Variants in LMBR1 observed in about 807,000 individuals in gnomAD.
LMBR1 encodes limb development membrane protein 1.
LMBR1 carries 52 observed loss-of-function variants against 73.9 expected under a neutral mutation model. The observed-to-expected ratio is 0.70, with a 90% confidence interval of 0.56 to 0.89. The LOEUF (loss-of-function observed/expected upper bound fraction) is 0.89, where lower values mean the gene tolerates loss of function less well. LMBR1 is among the 40% of genes least tolerant of loss of function. The pLI is 0.00. For missense variants in LMBR1, 539 were observed against 579.8 expected (o/e 0.93, Z 0.72); for synonymous variants, 215 against 209.4 (o/e 1.03, Z -0.23).
chr7:156,837,976 T>C (rs1333154587), intron 1 of LMBR1, among the ~76,000 whole-genome samples: 2 of 152,040 alleles, frequency 1.3e-5, no homozygotes, highest in Non-Finnish European at 2.9e-5. Context: ...TTGGCAAAGA[T>C]GGGGTTTTAC....
At position 156,853,565 on chromosome 7, in the gene LMBR1, A is replaced by T. The variant is rs555388459; in HGVS notation, c.67-16680T>A. ...GTCCTAGAATAACTTCTCTGGATTA[A>T]ATCTATGCAGAAACTGGGTATCAAA... On this transcript the variant is annotated intron_variant, in intron 1 of 16. Coordinates refer to ENST00000353442, the MANE Select transcript of LMBR1 (RefSeq NM_022458.4). Among the ~76,000 whole-genome samples, 3 of 152,352 alleles carry T rather than the reference A, an allele frequency of 2.0e-5. No individual in the cohort carries two copies. In the South Asian group the frequency reaches 6.2e-4, roughly 32 times the overall value.
In LMBR1 at chr7:156,725,784, C is replaced by A; in HGVS notation, c.1047G>T (p.Ala349=). Residue 349 remains alanine (A), a synonymous_variant, in exon 13 of 17, where the codon GCG becomes GCT. Transcript: ENST00000353442. ...SLSTFGFVGA[A]LEIILIFYLM... ...GATACAAAATCAAAATGATTTCAAG[C>A]GCAGCTCCCACAAAACCAAACGTAG... The A allele has an allele frequency of 6.2e-7, 1 of 1,613,612 alleles. No homozygotes were observed. The highest frequency in any genetic ancestry group is 8.5e-7 in the Non-Finnish European group (1 of 1,179,752).
intron 5 of LMBR1, chr7:156,779,693 T>C (rs1479108480): frequency 1.6e-6 from 2 of 1,286,544 alleles, no homozygotes; most frequent in Admixed American, 2.3e-5. Context: ...TCTATGGTGA[T>C]GAACATTTAA....
intron 16 of LMBR1, among the ~76,000 whole-genome samples, chr7:156,684,565 G>A (rs150584924): frequency 7.2e-5 from 11 of 152,264 alleles, no homozygotes; most frequent in African/African-American, 2.2e-4. Context: ...GTCCCAACCC[G>A]GCTAATAAAC....
In LMBR1 at chr7:156,872,608, T is replaced by A. The variant is rs752915021; in HGVS notation, c.66+20320A>T. Among the ~76,000 whole-genome samples, 5 of 151,730 alleles carry A rather than the reference T, an allele frequency of 3.3e-5. No homozygotes were observed. The South Asian group carries it at 1.0e-3, about 32-fold the overall frequency. On this transcript the variant is annotated intron_variant, in intron 1 of 16. Coordinates refer to ENST00000353442, the MANE Select transcript of LMBR1 (RefSeq NM_022458.4). ...GCTGCAGTGAGCCGAGATCGCATCA[T>A]TGGACTCCAGCCTGGGTAACAAGAG...
chr7:156,794,356 T>G (rs895392361), intron 5 of LMBR1, among the ~76,000 whole-genome samples: 5 of 152,242 alleles, frequency 3.3e-5, no homozygotes, highest in Admixed American at 2.6e-4. Flanking sequence ...TCTAATTAAC[T>G]TCTATGATCC....
intron 1 of LMBR1, among the ~76,000 whole-genome samples, chr7:156,855,623 T>C (rs1586254644): frequency 9.3e-6 from 1 of 107,896 alleles, no homozygotes; most frequent in African/African-American, 3.7e-5. Flanking sequence ...TACAAACACC[T>C]AACAGATCCA....
chr7:156,728,074 G>T, intron 11 of LMBR1, 67 bp from the exon 12 acceptor site: 1 of 1,247,756 alleles, frequency 8.0e-7, no homozygotes. Context: ...TAAAATCTAG[G>T]TAACCAAATA....
intron 4 of LMBR1, among the ~76,000 whole-genome samples, chr7:156,802,790 T>C (rs1453826577): frequency 7.6e-6 from 1 of 131,410 alleles, no homozygotes; most frequent in Non-Finnish European, 1.8e-5. Context: ...CACCTCCCCC[T>C]GATTCCCAGT....
chr7:156,820,449 G>A (rs761112228), intron 4 of LMBR1, among the ~76,000 whole-genome samples: 2 of 152,082 alleles, frequency 1.3e-5, no homozygotes, highest in Non-Finnish European at 2.9e-5. Flanking sequence ...TTATGTTGAC[G>A]ATATTTTGCT....
intron 2 of LMBR1, among the ~76,000 whole-genome samples, chr7:156,836,581 G>A (rs1033483090): frequency 2.3e-4 from 35 of 152,152 alleles, no homozygotes; most frequent in African/African-American, 7.5e-4. Flanking sequence ...ACTATTCTTA[G>A]TTGGACATAA....
chr7:156,819,083 C>G (rs1231410004), intron 4 of LMBR1, among the ~76,000 whole-genome samples: 1 of 152,210 alleles, frequency 6.6e-6, no homozygotes, highest in Non-Finnish European at 1.5e-5. Context: ...TGTCATTTTT[C>G]TGTATCACAT....
intron 3 of LMBR1, among the ~76,000 whole-genome samples, chr7:156,829,594 T>A (rs1836305510): frequency 6.6e-6 from 1 of 152,184 alleles, no homozygotes; most frequent in South Asian, 2.1e-4. Context: ...TCTTTCTTTA[T>A]CAACTACCCA....
chr7:156,787,654 C>T (rs1279850342), intron 5 of LMBR1, among the ~76,000 whole-genome samples: 1 of 152,182 alleles, frequency 6.6e-6, no homozygotes, highest in Non-Finnish European at 1.5e-5. Flanking sequence ...TTTCTACATG[C>T]TGAAATAAGA....
intron 9 of LMBR1, among the ~76,000 whole-genome samples, chr7:156,745,652 A>G (rs1819718654): frequency 6.6e-6 from 1 of 152,222 alleles, no homozygotes; most frequent in African/African-American, 2.4e-5. Context: ...GGGCAAATGC[A>G]ATCTCACTAA....
At chr7:156,887,463 C>CAAAAAAAAAAAAAAAAAAAAAAAA (rs60786872) in intron 1 of LMBR1, among the ~76,000 whole-genome samples, 1 of 52,676 alleles carries the variant, frequency 1.9e-5, no homozygotes, top group Non-Finnish European at 3.9e-5. Context: ...GACTCCATCT[C>CAAAAAAAAAAAAAAAAAAAAAAAA]AAAAAAAAAA....
At position 156,784,653 on chromosome 7, in the gene LMBR1, A is replaced by C. The variant is rs562961109; in HGVS notation, c.423+11736T>G. 6.6e-5 allele frequency among the ~76,000 whole-genome samples: 10 copies of C among 152,360 alleles called. No homozygotes were observed. The South Asian group carries it at 1.9e-3, about 28-fold the overall frequency. On this transcript the variant is annotated intron_variant, in intron 5 of 16. Transcript: ENST00000353442. ...TCAAAAATCCTAAAATCAATCTGTG[A>C]AACTGCATAATATCCTATGGGAAAA...
intron 9 of LMBR1, among the ~76,000 whole-genome samples, chr7:156,745,784 T>A (rs898790323): frequency 6.6e-6 from 1 of 152,220 alleles, no homozygotes; most frequent in Admixed American, 6.5e-5. Flanking sequence ...CTTCTGCCCA[T>A]CACTGAAGAG....
rs1048823472 is a variant in LMBR1 at position 156,669,725 on chromosome 7, G to A, written n.867-438C>T. 6.6e-6 allele frequency among the ~76,000 whole-genome samples: 1 copy of A among 152,218 alleles called. No individual in the cohort carries two copies. Among genetic ancestry groups the A allele is most frequent in the African/African-American group, 2.4e-5 (1 of 41,472 alleles). Reference sequence around the variant, plus strand: ...AAGAGGGTGAAGAGGGCAGGGCTGGGACTCCCAGGGAGAAGGGGCCATGGC... The same window carrying A: ...AAGAGGGTGAAGAGGGCAGGGCTGGAACTCCCAGGGAGAAGGGGCCATGGC... On this transcript the variant is annotated intron_variant and non_coding_transcript_variant, in intron 4 of 4. Coordinates refer to the LMBR1 transcript ENST00000430825. The surrounding 1 kb of genome is among the most constrained non-coding windows in gnomAD (Gnocchi z 4.2).
Sources: gnomAD v4.1 joint callset for allele counts (sites outside exome capture counted in the v4.1 genomes callset) on GRCh38, gnomAD v4.1.1 for gene constraint, Gnocchi (gnomAD v3.1) non-coding constraint, MANE v1.5 for transcripts, NCBI Gene and HGNC (gene_info 2026-07-23, HGNC 2026-07-21) for gene names.